The following GNAQ variants were observed in gnomAD, a reference collection of about 807,000 sequenced individuals.
GNAQ encodes the protein guanine nucleotide-binding protein G(q) subunit alpha.
In GNAQ, 8 loss-of-function variants were observed where a neutral mutation model predicts 43.9. That is an observed-to-expected ratio of 0.18 (90% CI 0.11 to 0.33). The LOEUF is 0.33. GNAQ is among the 10% of genes least tolerant of loss of function. GNAQ has a pLI of 1.00. For missense variants in GNAQ, 158 were observed against 450.8 expected (o/e 0.35, Z 5.88); for synonymous variants, 155 against 170.7 (o/e 0.91, Z 0.71).
chr9:77,872,822 T>C (rs1261335974), intron 2 of GNAQ, among the ~76,000 whole-genome samples: 1 of 152,176 alleles, frequency 6.6e-6, no homozygotes, highest in Non-Finnish European at 1.5e-5. Context: ...GGGGCTTAAG[T>C]ACACATAGAA....
chr9:77,968,938 G>A (rs1376005073), intron 1 of GNAQ, among the ~76,000 whole-genome samples: 2 of 152,234 alleles, frequency 1.3e-5, no homozygotes, highest in African/African-American at 4.8e-5. Context: ...ATGCACCCAG[G>A]TGAGGGCACC....
At chr9:77,826,305 A>G (rs1827196115) in intron 2 of GNAQ, among the ~76,000 whole-genome samples, 1 of 152,072 alleles carries the variant, frequency 6.6e-6, no homozygotes, top group Non-Finnish European at 1.5e-5. Flanking sequence ...ACTCCCCATA[A>G]CGCTGGTGTC....
At chr9:77,981,795 T>C (rs905055190) in intron 1 of GNAQ, among the ~76,000 whole-genome samples, 1 of 152,148 alleles carries the variant, frequency 6.6e-6, no homozygotes, top group African/African-American at 2.4e-5. Flanking sequence ...CATCTTCCCA[T>C]ATAGAATAAA....
At chr9:77,943,714 A>G (rs1255891439) in intron 1 of GNAQ, among the ~76,000 whole-genome samples, 1 of 134,350 alleles carries the variant, frequency 7.4e-6, no homozygotes, top group Non-Finnish European at 1.5e-5. Context: ...CCCAGGCTGG[A>G]GTGCAGTGGC....
chr9:78,015,824 T>C (rs1185374063), intron 1 of GNAQ, among the ~76,000 whole-genome samples: 1 of 152,094 alleles, frequency 6.6e-6, no homozygotes, highest in East Asian at 1.9e-4. Flanking sequence ...GAATGCTACA[T>C]AGGGACATGT....
chr9:77,949,943 T>C (rs1173223124), intron 1 of GNAQ, among the ~76,000 whole-genome samples: 1 of 152,166 alleles, frequency 6.6e-6, no homozygotes, highest in African/African-American at 2.4e-5. Flanking sequence ...TCCCGATCCA[T>C]GCAGCCAAGT....
chr9:78,028,434 C>G (rs1824009090), intron 1 of GNAQ, among the ~76,000 whole-genome samples: 1 of 152,116 alleles, frequency 6.6e-6, no homozygotes, highest in Non-Finnish European at 1.5e-5. Context: ...CACTAATTGT[C>G]TTTTTAAATG....
chr9:77,755,474 T>G (rs998204691), intron 5 of GNAQ, among the ~76,000 whole-genome samples: 3 of 152,210 alleles, frequency 2.0e-5, no homozygotes, highest in African/African-American at 7.2e-5. Context: ...ATGTACCCTA[T>G]AAATATATAT....
At chr9:77,848,094 T>G (rs534868271) in intron 2 of GNAQ, among the ~76,000 whole-genome samples, 130 of 152,258 alleles carry the variant, frequency 8.5e-4, no homozygotes, top group Non-Finnish European at 1.6e-3. Flanking sequence ...ACTGTCTCTA[T>G]CACGATCAAT....
intron 5 of GNAQ, among the ~76,000 whole-genome samples, chr9:77,758,878 G>A (rs1251633275): frequency 6.6e-6 from 1 of 151,828 alleles, no homozygotes; most frequent in Non-Finnish European, 1.5e-5. Flanking sequence ...AAATGCAAAG[G>A]CAAATAACAT....
At chr9:78,014,393 G>A (rs1473528803) in intron 1 of GNAQ, among the ~76,000 whole-genome samples, 1 of 152,144 alleles carries the variant, frequency 6.6e-6, no homozygotes, top group Non-Finnish European at 1.5e-5. Context: ...GGCAGGCCTA[G>A]ACGGGCAGAT....
chr9:77,860,633 G>A (rs1411925847), intron 2 of GNAQ, among the ~76,000 whole-genome samples: 1 of 152,194 alleles, frequency 6.6e-6, no homozygotes, highest in Admixed American at 6.5e-5. Flanking sequence ...GATCTGACAG[G>A]AGGCGAAGCT....
At chr9:78,014,597 C>T (rs1193006501) in intron 1 of GNAQ, among the ~76,000 whole-genome samples, 3 of 152,058 alleles carry the variant, frequency 2.0e-5, no homozygotes, top group African/African-American at 7.2e-5. Context: ...CAGAGCCAAA[C>T]TCCGTCTCAA....
At chr9:78,024,593 C>G (rs1823954201) in intron 1 of GNAQ, among the ~76,000 whole-genome samples, 1 of 152,168 alleles carries the variant, frequency 6.6e-6, no homozygotes, top group African/African-American at 2.4e-5. Context: ...ATTATTTTGT[C>G]TCTTTCTGTG....
At chr9:77,777,654 A>G (rs1032418479) in intron 5 of GNAQ, among the ~76,000 whole-genome samples, 5 of 152,086 alleles carry the variant, frequency 3.3e-5, no homozygotes, top group Non-Finnish European at 7.4e-5. Context: ...ACACAAGTCT[A>G]TTAAAAATAG....
At chr9:77,832,676 G>A (rs936093099) in intron 2 of GNAQ, among the ~76,000 whole-genome samples, 1 of 152,162 alleles carries the variant, frequency 6.6e-6, no homozygotes, top group Non-Finnish European at 1.5e-5. Flanking sequence ...TATATACCAG[G>A]GATCTATGCG....
chr9:77,785,022 C>T (rs1475410612), intron 5 of GNAQ, among the ~76,000 whole-genome samples: 1 of 152,204 alleles, frequency 6.6e-6, no homozygotes, highest in African/African-American at 2.4e-5. Context: ...AACTGTTTGG[C>T]AGTGTCATTG....
chr9:78,013,473 C>A (rs1823799801), intron 1 of GNAQ, among the ~76,000 whole-genome samples: 2 of 151,984 alleles, frequency 1.3e-5, no homozygotes, highest in Non-Finnish European at 2.9e-5. Context: ...CTCCCCCCAC[C>A]CCACAACAGG....
chr9:77,755,697 T>C lies in GNAQ; in HGVS notation c.736-27030A>G, dbSNP rs549524903. Among the ~76,000 whole-genome samples, 11 of 152,332 alleles carry C rather than the reference T, an allele frequency of 7.2e-5. No homozygotes were observed. The South Asian group carries it at 2.1e-3, about 29-fold the overall frequency. ...ATCGTTAACTTTATGTAACAGCATTTGGGTTGAGGATTGGTGCATTTCCGG... is the reference window on the plus strand; with the variant it reads ...ATCGTTAACTTTATGTAACAGCATTCGGGTTGAGGATTGGTGCATTTCCGG... On this transcript the variant is annotated intron_variant, in intron 5 of 6. Transcript: ENST00000286548.
Sources: allele counts gnomAD v4.1 joint callset (sites outside exome capture counted in the v4.1 genomes callset), GRCh38; gene constraint gnomAD v4.1.1; transcripts MANE v1.5; gene names NCBI Gene and HGNC (gene_info 2026-07-23, HGNC 2026-07-21).